Variants in C12orf42 observed in about 807,000 individuals in gnomAD.
C12orf42 encodes the protein chromosome 12 open reading frame 42.
A neutral mutation model predicts 21.6 loss-of-function variants in C12orf42; 25 were observed. The ratio of observed to expected loss-of-function variants is 1.16; its 90% confidence interval spans 0.84 to 1.62. The LOEUF is 1.62. Ranked by LOEUF, C12orf42 falls within the 40% of genes most tolerant of loss-of-function variation. The pLI is 0.00. For missense variants in C12orf42, 483 were observed against 459.3 expected, an observed-to-expected ratio of 1.05 and a Z score of -0.47; for synonymous variants, 174 against 175.0, an observed-to-expected ratio of 0.99 and a Z score of 0.05.
intron 4 of C12orf42, among the ~76,000 whole-genome samples, chr12:103,367,775 CA>C (rs1003031072): frequency 6.6e-6 from 1 of 151,720 alleles, no homozygotes; most frequent in Non-Finnish European, 1.5e-5. Context: ...TATCCCCCCC[CA>C]AAAAAATTTT....
At chr12:103,386,815 G>A (rs181882075) in intron 3 of C12orf42, among the ~76,000 whole-genome samples, 1 of 152,184 alleles carries the variant, frequency 6.6e-6, no homozygotes, top group East Asian at 1.9e-4. Context: ...GACCTGGGAG[G>A]GCATCCTCAG....
downstream of C12orf42, among the ~76,000 whole-genome samples, chr12:103,265,986 T>C (rs2035150878): frequency 6.6e-6 from 1 of 152,108 alleles, no homozygotes; most frequent in Non-Finnish European, 1.5e-5. Context: ...TTTCACAGCA[T>C]AATCTACCCC....
chr12:103,251,002 AC>A (rs1262896846), intron 10 of C12orf42, among the ~76,000 whole-genome samples: 1 of 151,930 alleles, frequency 6.6e-6, no homozygotes, highest in East Asian at 1.9e-4. Context: ...CCTAAAGACC[AC>A]CCCTTTCTGG....
At chr12:103,050,015 C>T in the C12orf42 span, among the ~76,000 whole-genome samples, 15 of 152,152 alleles carry the variant, frequency 9.9e-5, no homozygotes, top group Non-Finnish European at 1.6e-4. Flanking sequence ...TGTTGCCCCC[C>T]GCTAAGCAAT....
At chr12:103,252,936 T>G (rs1388032412) in intron 10 of C12orf42, among the ~76,000 whole-genome samples, 3 of 152,200 alleles carry the variant, frequency 2.0e-5, no homozygotes, top group Non-Finnish European at 2.9e-5. Context: ...TTTAATGTTT[T>G]AGGTCTTACG....
the C12orf42 span, among the ~76,000 whole-genome samples, chr12:103,148,255 T>C: frequency 2.7e-3 from 405 of 152,280 alleles, 2 homozygotes; most frequent in African/African-American, 9.4e-3. Flanking sequence ...AAGGCCTTAC[T>C]AATTAATAAA....
chr12:103,202,746 T>A, the C12orf42 span, among the ~76,000 whole-genome samples: 1 of 152,202 alleles, frequency 6.6e-6, no homozygotes, highest in Non-Finnish European at 1.5e-5. Flanking sequence ...GCTAAGTGAC[T>A]TCCTTCAACT....
the C12orf42 span, among the ~76,000 whole-genome samples, chr12:103,172,416 A>G: frequency 6.6e-6 from 1 of 152,136 alleles, no homozygotes; most frequent in Non-Finnish European, 1.5e-5. Context: ...ACTAGCAATT[A>G]TAATATTTTT....
chr12:103,468,490 A>C (rs1953320131), intron 2 of C12orf42, among the ~76,000 whole-genome samples: 1 of 152,242 alleles, frequency 6.6e-6, no homozygotes, highest in African/African-American at 2.4e-5. Context: ...ACTATAATAC[A>C]TACAAGTTGT....
chr12:103,550,725 G>T, the C12orf42 span: 1 of 151,954 alleles, frequency 6.6e-6, no homozygotes, highest in Non-Finnish European at 1.5e-5. Context: ...AAAAAAGTTA[G>T]CCTTTTGTAC....
chr12:103,501,776 G>C, the C12orf42 span, among the ~76,000 whole-genome samples: 1 of 152,098 alleles, frequency 6.6e-6, no homozygotes, highest in Non-Finnish European at 1.5e-5. Flanking sequence ...ATTTGGGTTG[G>C]TTTTCATGCT....
At chr12:103,353,435 A>G (rs1490014786) in intron 4 of C12orf42, among the ~76,000 whole-genome samples, 6 of 152,126 alleles carry the variant, frequency 3.9e-5, no homozygotes. Context: ...GTTTTGATCC[A>G]CATGGATTAG....
intron 10 of C12orf42, among the ~76,000 whole-genome samples, chr12:103,238,105 A>G (rs2136157215): frequency 6.6e-6 from 1 of 152,278 alleles, no homozygotes; most frequent in South Asian, 2.1e-4. Context: ...TAATATGGCC[A>G]TGGCTTGATT....
chr12:103,144,316 A>T, the C12orf42 span, among the ~76,000 whole-genome samples: 2 of 152,110 alleles, frequency 1.3e-5, no homozygotes, highest in African/African-American at 2.4e-5. Flanking sequence ...GATGAGGAGA[A>T]AAAAGGTAAA....
the C12orf42 span, among the ~76,000 whole-genome samples, chr12:103,563,127 T>C: frequency 6.6e-6 from 1 of 152,232 alleles, no homozygotes; most frequent in Non-Finnish European, 1.5e-5. Flanking sequence ...GGTATCCCTA[T>C]GCTCTTCAGG....
the C12orf42 span, among the ~76,000 whole-genome samples, chr12:103,561,539 T>C: frequency 1.3e-5 from 2 of 152,104 alleles, no homozygotes; most frequent in Non-Finnish European, 1.5e-5. Flanking sequence ...ATCTCACTAA[T>C]AAGGACTTCG....
intron 2 of C12orf42, among the ~76,000 whole-genome samples, chr12:103,410,536 G>A (rs972815793): frequency 3.3e-5 from 5 of 152,192 alleles, no homozygotes; most frequent in Admixed American, 3.3e-4. Context: ...GGCCTTGACT[G>A]ACTGGCATGA....
chr12:103,328,723 A>G (rs2040935505), intron 4 of C12orf42, among the ~76,000 whole-genome samples: 1 of 152,222 alleles, frequency 6.6e-6, no homozygotes, highest in South Asian at 2.1e-4. Context: ...ATGACCTCTC[A>G]GAGCAGTAGG....
the C12orf42 span, among the ~76,000 whole-genome samples, chr12:103,125,218 A>C: frequency 6.6e-6 from 1 of 152,206 alleles, no homozygotes; most frequent in Non-Finnish European, 1.5e-5. Context: ...AGTTAGTAGC[A>C]GCTTAGATAT....
Sources: allele counts gnomAD v4.1 joint callset (sites outside exome capture counted in the v4.1 genomes callset), GRCh38; gene constraint gnomAD v4.1.1; transcripts MANE v1.5; gene names NCBI Gene and HGNC (gene_info 2026-07-23, HGNC 2026-07-21).